Variants in FIBCD1 observed in about 807,000 individuals in gnomAD.
FIBCD1 encodes fibrinogen C domain-containing protein 1.
FIBCD1 carries 47 observed loss-of-function variants against 45.1 expected under a neutral mutation model. That is an observed-to-expected ratio of 1.04 (90% CI 0.82 to 1.33). The LOEUF (loss-of-function observed/expected upper bound fraction) is 1.33. Ranked by LOEUF, FIBCD1 falls within the 40% of genes most tolerant of loss-of-function variation. The probability of loss-of-function intolerance (pLI) is 0.00; values close to 1 mark genes in which losing one functional copy is unlikely to be tolerated. For synonymous variants in FIBCD1, 313 were observed against 308.1 expected, an observed-to-expected ratio of 1.02 and a Z score of -0.17; for missense variants, 653 against 682.2, an observed-to-expected ratio of 0.96 and a Z score of 0.48.
chr9:130,913,039 G>A (rs987960299), intron 4 of FIBCD1, among the ~76,000 whole-genome samples: 1 of 152,168 alleles, frequency 6.6e-6, no homozygotes, highest in South Asian at 2.1e-4. Context: ...TCAGCGGGGT[G>A]TGACTTGGGT....
intron 5 of FIBCD1, among the ~76,000 whole-genome samples, chr9:130,908,625 C>G (rs986535907): frequency 6.6e-6 from 1 of 152,146 alleles, no homozygotes; most frequent in African/African-American, 2.4e-5. Context: ...TCCTAAGCCT[C>G]AACTTCCTCA....
chr9:130,913,793 C>T (rs970130144), intron 4 of FIBCD1, among the ~76,000 whole-genome samples: 1 of 152,194 alleles, frequency 6.6e-6, no homozygotes, highest in Non-Finnish European at 1.5e-5. Context: ...AGCCTGTTTC[C>T]GCAGGAGGAG....
In FIBCD1 at chr9:130,914,753, A is replaced by G. The variant is rs140295815; in HGVS notation, c.850-2865T>C. Among the ~76,000 whole-genome samples the G allele has an allele frequency of 3.4e-3, 519 of 152,068 alleles. 1 individual carries two copies. Among genetic ancestry groups the G allele is most frequent in the Non-Finnish European group, 5.9e-3 (399 of 67,964 alleles). On this transcript the variant is annotated intron_variant, in intron 4 of 6. Coordinates refer to ENST00000372338, the MANE Select transcript of FIBCD1 (RefSeq NM_032843.5). ...CCCACCACTGGGACGCCTGGAACCA[A>G]TGCTGCCATTTACGTAACTCGCCAG...
chr9:130,911,604 G>A (rs1832049748), intron 5 of FIBCD1, among the ~76,000 whole-genome samples, 188 bp downstream of exon 5: 1 of 152,240 alleles, frequency 6.6e-6, no homozygotes, highest in African/African-American at 2.4e-5. Context: ...CACTTCCGTT[G>A]GCAATGTCTG....
intron 5 of FIBCD1, among the ~76,000 whole-genome samples, chr9:130,909,193 C>T (rs34370069): frequency 0.13 from 20,072 of 151,960 alleles, 1,361 homozygotes; most frequent in Non-Finnish European, 0.15. Context: ...AGCTCTGCCC[C>T]GCACTGGGGA....
rs747715759 is a variant in FIBCD1 at position 130,904,175 on chromosome 9, G to A, written c.1275C>T (p.Arg425=). ...HTSNLNGQYL[R]GAHASYADGV... ...CGTCGGCATAGGAGGCGTGCGCACC[G>A]CGCAGGTACTGCCCATTGAGGTTGG... The change falls in exon 7 of 7, where the codon CGC becomes CGT. Residue 425 remains arginine, a synonymous_variant. Transcript: ENST00000372338. 1.2e-5 allele frequency: 20 copies of A among 1,613,560 alleles called. No individual in the cohort carries two copies. In the East Asian group the frequency reaches 1.6e-4, roughly 13 times the overall value.
intron 1 of FIBCD1, among the ~76,000 whole-genome samples, chr9:130,930,532 A>G (rs1832434297): frequency 6.6e-6 from 1 of 152,052 alleles, no homozygotes; most frequent in African/African-American, 2.4e-5. Flanking sequence ...AGACACAAAG[A>G]CACAAGCAGA....
rs558317962 is a variant in FIBCD1, at chr9:130,924,256, C to A, written c.693G>T (p.Arg231=). 13 of 1,597,194 alleles carry A rather than the reference C, an allele frequency of 8.1e-6. No individual in the cohort carries two copies. In the African/African-American group the frequency reaches 1.6e-4, roughly 20 times the overall value. The part of the protein sequence containing the change: ...DLQRAPARGT[R]PRGCATGSRP... ...ACTCACCAGTGGCACAGCCCCGGGG[C>A]CGGGTTCCCCGGGCAGGCGCTCTCT... The change falls in exon 3 of 7, where the codon CGG becomes CGT. Residue 231 remains arginine, a synonymous_variant. Coordinates refer to ENST00000372338, the MANE Select transcript of FIBCD1 (RefSeq NM_032843.5).
At chr9:130,914,985 C>T (rs1966219) in intron 4 of FIBCD1, among the ~76,000 whole-genome samples, 79,866 of 152,172 alleles carry the variant, frequency 0.52, 22,819 homozygotes, top group African/African-American at 0.75. Context: ...AGCGGCCAGG[C>T]GGCCGTGAGC....
At chr9:130,912,614 G>A (rs1284551143) in intron 4 of FIBCD1, among the ~76,000 whole-genome samples, 2 of 151,952 alleles carry the variant, frequency 1.3e-5, no homozygotes, top group Non-Finnish European at 2.9e-5. Flanking sequence ...GGCTGAGGCA[G>A]GAGAATCGCT....
chr9:130,912,386 C>T (rs2133080164), intron 4 of FIBCD1, among the ~76,000 whole-genome samples: 1 of 102,990 alleles, frequency 9.7e-6, no homozygotes, highest in African/African-American at 4.0e-5. Context: ...AGCCTGGGCT[C>T]TCTCTCAAAA....
At position 130,911,776 on chromosome 9, in the gene FIBCD1, T is replaced by G; in HGVS notation, c.946+16A>C. On this transcript the variant is annotated intron_variant, in intron 5 of 6. Transcript: ENST00000372338. Reference sequence around the variant, plus strand: ...GAGGAGGCCCACCTGGGCCGGATGGTGGGTGGGGTGCTCACCTAGCCAGTG... The same window carrying G: ...GAGGAGGCCCACCTGGGCCGGATGGGGGGTGGGGTGCTCACCTAGCCAGTG... 6.3e-7 allele frequency: 1 copy of G among 1,585,928 alleles called. No individual in the cohort carries two copies. Among genetic ancestry groups the G allele is most frequent in the Non-Finnish European group, 8.6e-7 (1 of 1,166,908 alleles).
rs1437391116 is a variant in FIBCD1, at chr9:130,904,252, T to C, written c.1198A>G (p.Asn400Asp). The change falls in exon 7 of 7, where the codon AAC becomes GAC. Residue 400 changes from asparagine (N) to aspartate (D), a missense_variant. By Grantham distance (23) the Asn-to-Asp change is conservative. Coordinates refer to ENST00000372338, the MANE Select transcript of FIBCD1 (RefSeq NM_032843.5). Reference protein sequence around the residue: ...KDRDSDHSENNCAAFYRGAWW... With the variant: ...KDRDSDHSENDCAAFYRGAWW... ...GCACCGCGGTAGAAGGCGGCACAGT[T>C]GTTCTCTGAATGGTCGCTGTCACGG... 3 of 1,613,542 alleles carry C rather than the reference T, an allele frequency of 1.9e-6. No homozygotes were observed. The highest frequency in any genetic ancestry group is 1.7e-6 in the Non-Finnish European group (2 of 1,179,986).
intron 2 of FIBCD1, among the ~76,000 whole-genome samples, chr9:130,925,082 G>A (rs980217679): frequency 6.6e-6 from 1 of 152,122 alleles, no homozygotes; most frequent in Middle Eastern, 3.4e-3. Context: ...GAGCCTTTGC[G>A]CAGCCCCTCA....
rs1831870995 is a variant in FIBCD1, at chr9:130,903,509, C to T, written c.*555G>A. ...CCTGGTAGGATGGGGCCACCCAGCC[C>T]ACAGCCAGGCTGAGGCCCTTGGGGG... On this transcript the variant is annotated 3_prime_UTR_variant, in exon 7 of 7. Transcript: ENST00000372338. 7 of 189,444 alleles carry T rather than the reference C, an allele frequency of 3.7e-5. No individual in the cohort carries two copies. In the Admixed American group the frequency reaches 3.8e-4, roughly 10 times the overall value. The allele number at this position is 189,444 out of a possible 1,614,324, so 11.7% of individuals were successfully genotyped here.
At chr9:130,923,961 G>C in intron 3 of FIBCD1, 81 bp from the exon 4 acceptor site, 1 of 1,593,644 alleles carries the variant, frequency 6.3e-7, no homozygotes, top group Non-Finnish European at 8.5e-7. Flanking sequence ...TCTGTCCATC[G>C]ATAATGCATG....
intron 1 of FIBCD1, among the ~76,000 whole-genome samples, chr9:130,934,407 C>G (rs1013622369): frequency 2.6e-5 from 4 of 152,204 alleles, no homozygotes; most frequent in African/African-American, 9.6e-5. Context: ...GACCCTTCAG[C>G]AGAACCCTGC....
At chr9:130,930,153 G>T (rs1832423662) in intron 1 of FIBCD1, 107 bp from the exon 2 acceptor site, 16 of 1,362,414 alleles carry the variant, frequency 1.2e-5, no homozygotes, top group Non-Finnish European at 1.5e-5. Context: ...TTGGGGGGCT[G>T]GGCAAGGGCG....
rs145385892 is a variant in FIBCD1 at position 130,911,850 on chromosome 9, G to C, written c.888C>G (p.Phe296Leu). ...CGTCTCGGTACGCATCCCAGCCCCG[G>C]AAGAAGTTCACGGAGCCGTCCTCCC... ...QRREDGSVNF[F>L]RGWDAYRDGF... The change falls in exon 5 of 7, where the codon TTC (phenylalanine) becomes TTG (leucine). Residue 296 changes from phenylalanine (F) to leucine (L), a missense_variant. Transcript: ENST00000372338. 23 of 1,602,644 alleles carry C rather than the reference G, an allele frequency of 1.4e-5. No individual in the cohort carries two copies. In the African/African-American group the frequency reaches 1.7e-4, roughly 12 times the overall value.
Sources: gnomAD v4.1 joint callset for allele counts (sites outside exome capture counted in the v4.1 genomes callset) on GRCh38, gnomAD v4.1.1 for gene constraint, MANE v1.5 for transcripts, NCBI Gene and HGNC (gene_info 2026-07-23, HGNC 2026-07-21) for gene names.